The following ZNF644 variants were observed in gnomAD, a reference collection of about 807,000 sequenced individuals.
ZNF644 encodes the protein zinc finger motif enhancer binding protein 2.
A neutral mutation model predicts 108.0 loss-of-function variants in ZNF644; 20 were observed. The observed-to-expected ratio is 0.19, with a 90% confidence interval of 0.13 to 0.27. The LOEUF (loss-of-function observed/expected upper bound fraction) is 0.27. Among genes scored for constraint, ZNF644 ranks in the 10% least tolerant of loss-of-function variants. ZNF644 has a pLI of 1.00. For missense variants in ZNF644, 1,338 were observed against 1,548.9 expected (o/e 0.86, Z 2.29); for synonymous variants, 542 against 539.1 (o/e 1.01, Z -0.08).
At position 90,941,105 on chromosome 1, in the gene ZNF644, A is replaced by C; in HGVS notation, c.249T>G (p.Ser83=). 1 of 1,614,132 alleles carries C rather than the reference A, an allele frequency of 6.2e-7. No individual in the cohort carries two copies. Among genetic ancestry groups the C allele is most frequent in the Non-Finnish European group, 8.5e-7 (1 of 1,179,972 alleles). The change falls in exon 3 of 6, where the codon TCT becomes TCG. Residue 83 remains serine (S), a synonymous_variant. Coordinates refer to ENST00000337393, the MANE Select transcript of ZNF644 (RefSeq NM_201269.3). ...ACTGGCCTCCACTTAAGGCGTTTTC[A>C]GATTTGTCCTTTGACAGTTCTTCAG... ...TLPEELSKDK[S]ENALSGGQSS...
At chr1:90,954,020 G>T (rs1653471418) in intron 2 of ZNF644, among the ~76,000 whole-genome samples, 1 of 152,150 alleles carries the variant, frequency 6.6e-6, no homozygotes, top group Non-Finnish European at 1.5e-5. Context: ...TTTTTGCTGA[G>T]ATTTTTGCCT....
chr1:90,958,263 A>C (rs1446583830), intron 2 of ZNF644, among the ~76,000 whole-genome samples: 1 of 150,822 alleles, frequency 6.6e-6, no homozygotes, highest in Non-Finnish European at 1.5e-5. Context: ...AAAAAGAATA[A>C]ATGTAACCAA....
chr1:90,972,409 C>G (rs1377877826), intron 2 of ZNF644, among the ~76,000 whole-genome samples: 6 of 152,134 alleles, frequency 3.9e-5, no homozygotes, highest in African/African-American at 1.4e-4. Context: ...TAGACAAATA[C>G]AAATCAAAAC....
intron 2 of ZNF644, among the ~76,000 whole-genome samples, chr1:90,949,236 T>G (rs1180099786): frequency 6.6e-6 from 1 of 151,624 alleles, no homozygotes; most frequent in Non-Finnish European, 1.5e-5. Context: ...ATTTATTCCA[T>G]ATATTCACAT....
At chr1:91,001,454 A>G (rs2101675171) in intron 1 of ZNF644, among the ~76,000 whole-genome samples, 1 of 152,372 alleles carries the variant, frequency 6.6e-6, no homozygotes, top group South Asian at 2.1e-4. Flanking sequence ...ATCTCAATAG[A>G]TGCAGAAAAG....
chr1:90,928,849 TCCTAA>T (rs1650387396), intron 4 of ZNF644, among the ~76,000 whole-genome samples: 1 of 152,156 alleles, frequency 6.6e-6, no homozygotes, highest in Non-Finnish European at 1.5e-5. Context: ...CATCTCGTCT[TCCTAA>T]AACTCTACTG....
intron 2 of ZNF644, 28 bp downstream of exon 2, chr1:90,982,282 A>C (rs36016514): frequency 1.3e-6 from 2 of 1,576,322 alleles, no homozygotes; most frequent in Non-Finnish European, 1.7e-6. Context: ...CTTGATATGT[A>C]CATTTAACAA....
intron 2 of ZNF644, among the ~76,000 whole-genome samples, chr1:90,949,478 T>G (rs1652863343): frequency 6.6e-6 from 1 of 152,176 alleles, no homozygotes; most frequent in African/African-American, 2.4e-5. Context: ...AAATTTGCTT[T>G]TCTTGAAACA....
chr1:90,916,547 G>C lies in ZNF644; in HGVS notation c.*251C>G, dbSNP rs1570315646. The C allele has an allele frequency of 2.0e-6, 1 of 498,770 alleles. No individual in the cohort carries two copies. Among genetic ancestry groups the C allele is most frequent in the Non-Finnish European group, 3.6e-6 (1 of 276,796 alleles). The allele number at this position is 498,770 out of a possible 1,614,324, so 30.9% of individuals were successfully genotyped here. ...TTATTAATGGCTGCTTACATGTACTGCTCTTTTACTGAGTGAACACAGTTA... is the reference window on the plus strand; with the variant it reads ...TTATTAATGGCTGCTTACATGTACTCCTCTTTTACTGAGTGAACACAGTTA... On this transcript the variant is annotated 3_prime_UTR_variant, in exon 6 of 6. Coordinates refer to ENST00000337393, the MANE Select transcript of ZNF644 (RefSeq NM_201269.3).
intron 2 of ZNF644, among the ~76,000 whole-genome samples, chr1:90,956,847 G>A (rs1006397245): frequency 1.2e-4 from 18 of 151,846 alleles, no homozygotes; most frequent in African/African-American, 2.9e-4. Flanking sequence ...TACCTAAGCC[G>A]TCCTCTAATT....
In ZNF644 at chr1:90,915,799, T is replaced by G. The variant is rs780406992; in HGVS notation, c.*999A>C. Reference sequence around the variant, plus strand: ...ATGTAGAAATATTTTAATTGGTGTATTAAGTTTTGCTAACTGATCAAATTT... The same window carrying G: ...ATGTAGAAATATTTTAATTGGTGTAGTAAGTTTTGCTAACTGATCAAATTT... On this transcript the variant is annotated 3_prime_UTR_variant, in exon 6 of 6. Transcript: ENST00000337393. 1.2e-4 allele frequency: 18 copies of G among 152,758 alleles called. 1 individual carries two copies. In the Middle Eastern group the frequency reaches 0.01, roughly 87 times the overall value. The allele number at this position is 152,758 out of a possible 1,614,324, so 9.5% of individuals were successfully genotyped here.
chr1:91,001,418 G>C (rs973895463), intron 1 of ZNF644, among the ~76,000 whole-genome samples: 1 of 152,126 alleles, frequency 6.6e-6, no homozygotes. Flanking sequence ...CATATAAACA[G>C]AACCAAAGAC....
Position 90,938,695 on chromosome 1 carries a change from C to T in ZNF644, c.2659G>A (p.Val887Ile), listed in dbSNP as rs544944934. ...CTCTTAAATAAAGGGAATAAATTTA[C>T]ATGCTCTTGATTAATATCACTATAG... The part of the protein sequence containing the change: ...ETYSDINQEH[V>I]NLFPLFKSKV... The change falls in exon 3 of 6, where the codon GTA becomes ATA. Residue 887 changes from valine to isoleucine, a missense_variant. Val to Ile is a conservative substitution (Grantham distance 29). Coordinates refer to ENST00000337393, the MANE Select transcript of ZNF644 (RefSeq NM_201269.3). The surrounding 1 kb of genome is among the most constrained non-coding windows in gnomAD (Gnocchi z 4.2). The T allele has an allele frequency of 3.1e-6, 5 of 1,612,682 alleles. No homozygotes were observed. The highest frequency in any genetic ancestry group is 4.2e-6 in the Non-Finnish European group (5 of 1,179,710).
intron 1 of ZNF644, among the ~76,000 whole-genome samples, chr1:91,007,867 A>AG (rs1659600467): frequency 6.6e-6 from 1 of 152,086 alleles, no homozygotes; most frequent in Non-Finnish European, 1.5e-5. Flanking sequence ...TTATCCTCAA[A>AG]TGTTTGGTGA....
chr1:90,982,274 T>C (rs745851153), intron 2 of ZNF644, 36 bp downstream of exon 2: 3 of 1,545,844 alleles, frequency 1.9e-6, no homozygotes, highest in Non-Finnish European at 2.7e-6. Flanking sequence ...ATTCCTACCT[T>C]GATATGTACA....
At chr1:90,963,230 A>C (rs1364402181) in intron 2 of ZNF644, among the ~76,000 whole-genome samples, 1 of 152,130 alleles carries the variant, frequency 6.6e-6, no homozygotes, top group Non-Finnish European at 1.5e-5. Flanking sequence ...AGACGTTGCA[A>C]AAATGGATAC....
chr1:90,939,905 T>C lies in ZNF644; in HGVS notation c.1449A>G (p.Glu483=). 1 of 1,614,100 alleles carries C rather than the reference T, an allele frequency of 6.2e-7. No homozygotes were observed. The highest frequency in any genetic ancestry group is 8.5e-7 in the Non-Finnish European group (1 of 1,179,958). Residue 483 remains glutamate, a synonymous_variant, in exon 3 of 6, where the codon GAA becomes GAG. Transcript: ENST00000337393. ...RRQKLMEEIR[E]LKELQDEGRS... is the part of the protein sequence containing the mutation. ...TTCCTTCATCCTGAAGTTCTTTCAATTCACGAATTTCCTCCATCAACTTCT... is the reference window on the plus strand; with the variant it reads ...TTCCTTCATCCTGAAGTTCTTTCAACTCACGAATTTCCTCCATCAACTTCT...
intron 2 of ZNF644, among the ~76,000 whole-genome samples, chr1:90,967,570 T>TTCAA (rs946920115): frequency 5.9e-5 from 9 of 152,206 alleles, no homozygotes; most frequent in Admixed American, 2.0e-4. Flanking sequence ...TAAAAGGTAG[T>TTCAA]AGTCAACCTA....
chr1:90,965,070 GTAAGTTT>G (rs1416444993), intron 2 of ZNF644, among the ~76,000 whole-genome samples: 1 of 152,142 alleles, frequency 6.6e-6, no homozygotes, highest in South Asian at 2.1e-4. Flanking sequence ...AGTGAGGAGA[GTAAGTTT>G]TACTTTTTAG....
Sources: gnomAD v4.1 joint callset for allele counts (sites outside exome capture counted in the v4.1 genomes callset) on GRCh38, gnomAD v4.1.1 for gene constraint, Gnocchi (gnomAD v3.1) non-coding constraint, MANE v1.5 for transcripts, NCBI Gene and HGNC (gene_info 2026-07-23, HGNC 2026-07-21) for gene names.